ITGA9: variants seen among roughly 807,000 people sequenced by gnomAD.
The protein encoded by ITGA9 is integrin subunit alpha 9.
A neutral mutation model predicts 127.8 loss-of-function variants in ITGA9; 56 were observed. The ratio of observed to expected loss-of-function variants is 0.44; its 90% CI spans 0.35 to 0.55. ITGA9 has a LOEUF of 0.55. Among genes scored for constraint, ITGA9 ranks in the 20% least tolerant of loss-of-function variants. ITGA9 has a pLI of 0.00. For synonymous variants in ITGA9, 508 were observed against 514.5 expected, an observed-to-expected ratio of 0.99 and a Z score of 0.17; for missense variants, 1,196 against 1,347.1, an observed-to-expected ratio of 0.89 and a Z score of 1.76.
chr3:37,482,449 T>A (rs1170949843), intron 4 of ITGA9, among the ~76,000 whole-genome samples: 2 of 152,244 alleles, frequency 1.3e-5, no homozygotes, highest in African/African-American at 4.8e-5. Flanking sequence ...TTCAGTTTGA[T>A]AGCTCGTAGT....
At chr3:37,662,888 T>C (rs1700551767) in intron 17 of ITGA9, among the ~76,000 whole-genome samples, 1 of 152,312 alleles carries the variant, frequency 6.6e-6, no homozygotes, top group South Asian at 2.1e-4. Context: ...CTGAGGAGCC[T>C]TTGTCTTAAG....
At chr3:37,594,296 A>G (rs1025503930) in intron 15 of ITGA9, among the ~76,000 whole-genome samples, 5 of 152,180 alleles carry the variant, frequency 3.3e-5, no homozygotes, top group Admixed American at 2.0e-4. Flanking sequence ...GGGGACTCAC[A>G]TCTCTGTCTG....
At chr3:37,477,419 A>C (rs11717950) in intron 3 of ITGA9, among the ~76,000 whole-genome samples, 19,115 of 152,266 alleles carry the variant, frequency 0.13, 1,240 homozygotes, top group Middle Eastern at 0.18. Context: ...TATGTGGACC[A>C]TGGACCCAGC....
At chr3:37,694,506 G>A (rs1010544247) in intron 18 of ITGA9, among the ~76,000 whole-genome samples, 2 of 152,230 alleles carry the variant, frequency 1.3e-5, no homozygotes, top group Non-Finnish European at 2.9e-5. Context: ...ATTCCGCCGC[G>A]GGGCTCAGCT....
intron 15 of ITGA9, among the ~76,000 whole-genome samples, chr3:37,556,494 C>T (rs1018365127): frequency 7.2e-5 from 11 of 152,168 alleles, no homozygotes; most frequent in Non-Finnish European, 1.6e-4. Context: ...GGAGCTGGCA[C>T]GTTCTTTCTC....
chr3:37,811,561 T>C (rs72862230), intron 27 of ITGA9, among the ~76,000 whole-genome samples: 24,630 of 151,960 alleles, frequency 0.16, 3,849 homozygotes, highest in African/African-American at 0.41. Context: ...TTCTCTCTGC[T>C]TCCCTCTCAC....
intron 23 of ITGA9, among the ~76,000 whole-genome samples, chr3:37,752,442 G>A (rs973145448): frequency 5.8e-4 from 89 of 152,284 alleles, no homozygotes; most frequent in African/African-American, 2.0e-3. Context: ...CTACTGAACA[G>A]CTGGGCACCA....
intron 25 of ITGA9, among the ~76,000 whole-genome samples, chr3:37,780,954 C>T (rs1030129941): frequency 6.6e-6 from 1 of 152,164 alleles, no homozygotes; most frequent in Admixed American, 6.5e-5. Flanking sequence ...AATACCAGAC[C>T]CTTGCTACTC....
chr3:37,559,634 G>A (rs937135084), intron 15 of ITGA9, among the ~76,000 whole-genome samples: 5 of 152,174 alleles, frequency 3.3e-5, no homozygotes, highest in African/African-American at 1.2e-4. Flanking sequence ...TCTGTTGCAC[G>A]TGCCTGTCCA....
chr3:37,708,018 G>A (rs1477248286), intron 18 of ITGA9, among the ~76,000 whole-genome samples: 5 of 152,196 alleles, frequency 3.3e-5, no homozygotes, highest in Non-Finnish European at 7.3e-5. Context: ...GAATTCATTA[G>A]CATAACAAAC....
intron 10 of ITGA9, among the ~76,000 whole-genome samples, chr3:37,518,110 G>GTGTGTGTGTGTGTGTGTA (rs1699006037): frequency 1.3e-5 from 2 of 151,970 alleles, no homozygotes; most frequent in South Asian, 2.1e-4. Context: ...GTGTGTGTGT[G>GTGTGTGTGTGTGTGTGTA]TGTGTGTGTG....
At chr3:37,642,402 C>G (rs1392990907) in intron 16 of ITGA9, among the ~76,000 whole-genome samples, 1 of 152,198 alleles carries the variant, frequency 6.6e-6, no homozygotes, top group Non-Finnish European at 1.5e-5. Flanking sequence ...GAGAACCTGG[C>G]CTATAGTGGA....
chr3:37,546,933 A>C (rs1229027491), intron 15 of ITGA9, among the ~76,000 whole-genome samples: 1 of 152,236 alleles, frequency 6.6e-6, no homozygotes, highest in Non-Finnish European at 1.5e-5. Flanking sequence ...CCTTGAGAGC[A>C]CAGGCCTTTT....
chr3:37,518,623 A>G (rs74985154), intron 10 of ITGA9, among the ~76,000 whole-genome samples: 2 of 152,040 alleles, frequency 1.3e-5, no homozygotes, highest in Admixed American at 6.5e-5. Context: ...GCCATTGTCT[A>G]TGGAATTCTC....
chr3:37,667,279 A>G (rs765459125), intron 17 of ITGA9, among the ~76,000 whole-genome samples: 1 of 152,158 alleles, frequency 6.6e-6, no homozygotes, highest in African/African-American at 2.4e-5. Context: ...CTCCAGTACT[A>G]TGATAACTAT....
At chr3:37,804,021 A>G in intron 27 of ITGA9, 79 bp downstream of exon 27, 1 of 1,604,494 alleles carries the variant, frequency 6.2e-7, no homozygotes, top group Non-Finnish European at 8.5e-7. Flanking sequence ...GGGAAGAAGG[A>G]GTATCCTGTT....
intron 27 of ITGA9, among the ~76,000 whole-genome samples, chr3:37,810,641 C>T (rs1697357099): frequency 1.3e-5 from 2 of 152,162 alleles, no homozygotes; most frequent in Non-Finnish European, 2.9e-5. Flanking sequence ...GTCTTGAGCT[C>T]CTGGCCTCAA....
rs141437902 is a variant in ITGA9, at chr3:37,704,988, A to T, written c.2067+20973A>T. 5.2e-3 allele frequency among the ~76,000 whole-genome samples: 795 copies of T among 152,334 alleles called. 1 individual carries two copies. Among genetic ancestry groups the T allele is most frequent in the Non-Finnish European group, 8.0e-3 (546 of 68,018 alleles). ...TTGTTTGCATGGTTCAGAACTAGGCATTGCAAAGATAACCATTTACTCTGA... is the reference window on the plus strand; with the variant it reads ...TTGTTTGCATGGTTCAGAACTAGGCTTTGCAAAGATAACCATTTACTCTGA... On this transcript the variant is annotated intron_variant, in intron 18 of 27. Coordinates refer to ENST00000264741, the MANE Select transcript of ITGA9 (RefSeq NM_002207.3).
At chr3:37,465,446 C>T (rs904153553) in intron 1 of ITGA9, among the ~76,000 whole-genome samples, 2 of 152,202 alleles carry the variant, frequency 1.3e-5, no homozygotes, top group African/African-American at 4.8e-5. Flanking sequence ...GACACAGACA[C>T]TCTGGGTTCA....
Sources: allele counts gnomAD v4.1 joint callset (sites outside exome capture counted in the v4.1 genomes callset), GRCh38; gene constraint gnomAD v4.1.1; transcripts MANE v1.5; gene names NCBI Gene and HGNC (gene_info 2026-07-23, HGNC 2026-07-21).